Variants in RGL1 observed in about 807,000 individuals in gnomAD.
RGL1 encodes the protein ral guanine nucleotide dissociation stimulator-like 1.
A neutral mutation model predicts 95.2 loss-of-function variants in RGL1; 24 were observed. The ratio of observed to expected loss-of-function variants is 0.25; its 90% CI spans 0.18 to 0.35. The LOEUF (loss-of-function observed/expected upper bound fraction) is 0.35. Ranked by LOEUF, RGL1 falls within the 10% of genes least tolerant of loss-of-function variation. The pLI is 1.00. For synonymous variants in RGL1, 329 were observed against 344.9 expected (o/e 0.95, Z 0.51); for missense variants, 715 against 936.3 (o/e 0.76, Z 3.08).
intron 3 of RGL1, among the ~76,000 whole-genome samples, chr1:183,861,374 A>G (rs550141639): frequency 6.6e-6 from 1 of 152,354 alleles, no homozygotes; most frequent in Non-Finnish European, 1.5e-5. Flanking sequence ...TCTTTGAACC[A>G]CAGATACACC....
intron 1 of RGL1, among the ~76,000 whole-genome samples, chr1:183,643,075 C>CTTTAAA (rs1290434836): frequency 6.6e-6 from 1 of 152,140 alleles, no homozygotes; most frequent in Non-Finnish European, 1.5e-5. Context: ...AGGGTTCATC[C>CTTTAAA]ATGCTGTGGC....
chr1:183,643,740 C>G (rs74830762), intron 1 of RGL1, among the ~76,000 whole-genome samples: 1,989 of 152,268 alleles, frequency 0.013, 50 homozygotes, highest in African/African-American at 0.046. Flanking sequence ...CATGAACCAC[C>G]GTGCTTGGCC....
At chr1:183,827,973 G>A (rs923697045) in intron 2 of RGL1, among the ~76,000 whole-genome samples, 8 of 152,154 alleles carry the variant, frequency 5.3e-5, no homozygotes, top group Admixed American at 2.0e-4. Context: ...TCACATCCAG[G>A]ACCATTGTGT....
intron 10 of RGL1, among the ~76,000 whole-genome samples, chr1:183,899,677 C>T (rs1434117940): frequency 6.6e-6 from 1 of 152,094 alleles, no homozygotes; most frequent in Non-Finnish European, 1.5e-5. Context: ...TTTCTCTTTC[C>T]CTCCTCTATT....
At position 183,880,643 on chromosome 1, in the gene RGL1, G is replaced by T; in HGVS notation, c.453G>T (p.Trp151Cys). 1 of 1,613,818 alleles carries T rather than the reference G, an allele frequency of 6.2e-7. No individual in the cohort carries two copies. Among genetic ancestry groups the T allele is most frequent in the Non-Finnish European group, 8.5e-7 (1 of 1,179,818 alleles). Residue 151 changes from tryptophan (W) to cysteine (C), a missense_variant, in exon 5 of 18, where the codon TGG becomes TGT. This residue lies in a region of RGL1 where 381 missense variants were observed against 484.8 expected (regional missense o/e 0.79). Coordinates refer to ENST00000360851, the MANE Select transcript of RGL1 (RefSeq NM_001297671.3). ...CAATCGCTTCCATACTAAGGGCCTG[G>T]CTTGACCAGTGTGCAGAAGACTTCC... ...RNAIASILRA[W>C]LDQCAEDFRE... is the part of the protein sequence containing the mutation.
chr1:183,809,408 A>T (rs1183768460), intron 2 of RGL1, among the ~76,000 whole-genome samples: 2 of 152,180 alleles, frequency 1.3e-5, no homozygotes. Context: ...CTGTGTTTGG[A>T]AAACTACAAC....
chr1:183,838,149 A>C (rs187435157), intron 2 of RGL1, among the ~76,000 whole-genome samples: 115 of 152,344 alleles, frequency 7.5e-4, no homozygotes, highest in African/African-American at 2.7e-3. Flanking sequence ...AAACTTCTTA[A>C]AATCCACTTA....
chr1:183,752,589 C>G (rs1173364363), intron 2 of RGL1, among the ~76,000 whole-genome samples: 3 of 150,472 alleles, frequency 2.0e-5, no homozygotes, highest in African/African-American at 4.9e-5. Flanking sequence ...CTCATCAATT[C>G]TTTATGCATC....
chr1:183,894,638 A>G (rs1308009984), intron 9 of RGL1, among the ~76,000 whole-genome samples: 2 of 152,126 alleles, frequency 1.3e-5, no homozygotes, highest in African/African-American at 4.8e-5. Context: ...CTCTGTTTCT[A>G]GTGTTACTCC....
chr1:183,870,904 A>AAGG (rs1666145873), intron 4 of RGL1, among the ~76,000 whole-genome samples: 1 of 152,166 alleles, frequency 6.6e-6, no homozygotes. Flanking sequence ...GGCCCTGGTG[A>AAGG]AGGAGCCTGG....
Position 183,659,976 on chromosome 1 carries a change from G to A in RGL1, c.-33+23475G>A, listed in dbSNP as rs1295665188. Reference sequence around the variant, plus strand: ...CAAACTAAGCTTCATAAGTGAAGGAGAAATAAAATACTTTACAGACAAGCA... The same window carrying A: ...CAAACTAAGCTTCATAAGTGAAGGAAAAATAAAATACTTTACAGACAAGCA... On this transcript the variant is annotated intron_variant, in intron 1 of 18. Coordinates refer to the RGL1 transcript ENST00000304685. 9.2e-5 allele frequency among the ~76,000 whole-genome samples: 14 copies of A among 151,446 alleles called. No individual in the cohort carries two copies. In the South Asian group the frequency reaches 2.7e-3, roughly 29 times the overall value.
intron 1 of RGL1, among the ~76,000 whole-genome samples, chr1:183,710,483 T>G (rs2102172490): frequency 6.6e-6 from 1 of 152,268 alleles, no homozygotes; most frequent in East Asian, 1.9e-4. Flanking sequence ...CATCCCCTGT[T>G]TTTTGGCAGG....
At chr1:183,805,881 G>A (rs1484680884) in intron 1 of RGL1, among the ~76,000 whole-genome samples, 1 of 148,662 alleles carries the variant, frequency 6.7e-6, no homozygotes, top group Non-Finnish European at 1.5e-5. Flanking sequence ...TTGTGTCTGA[G>A]TTTAAAATCT....
At position 183,897,785 on chromosome 1, in the gene RGL1, C is replaced by T. The variant is rs994716988; in HGVS notation, c.1141-23C>T. On this transcript the variant is annotated intron_variant, in intron 9 of 17. Transcript: ENST00000360851. ...TTGTGGCATCCTGTATCAATTCCCT[C>T]TGTGTGCATTTCTGTTTCTCAGGAA... 2.5e-6 allele frequency: 4 copies of T among 1,574,404 alleles called. No individual in the cohort carries two copies. In the Admixed American group the frequency reaches 6.7e-5, roughly 26 times the overall value.
Position 183,805,179 on chromosome 1 carries a change from G to A in RGL1, c.-119G>A, listed in dbSNP as rs1661200913. The A allele has an allele frequency of 7.3e-7, 1 of 1,378,440 alleles. No homozygotes were observed. The highest frequency in any genetic ancestry group is 1.5e-5 in the African/African-American group (1 of 66,946). The allele number at this position is 1,378,440 out of a possible 1,614,324, so 85.4% of individuals were successfully genotyped here. A position where few individuals can be genotyped will look rare whatever the true frequency, so the allele number is the denominator to read the frequency against. ...GCAGCGCGGCGCGTGTCTGTGCGCT[G>A]CGGTCGCTCGGGACCGGGACCGGGG... is the stretch of plus-strand genomic sequence containing the variant. On this transcript the variant is annotated 5_prime_UTR_variant, in exon 1 of 18. Coordinates refer to ENST00000360851, the MANE Select transcript of RGL1 (RefSeq NM_001297671.3).
At chr1:183,820,763 T>C (rs1301376989) in intron 2 of RGL1, among the ~76,000 whole-genome samples, 1 of 152,202 alleles carries the variant, frequency 6.6e-6, no homozygotes, top group Non-Finnish European at 1.5e-5. Context: ...TAATTTCCTA[T>C]AGTGATCACA....
chr1:183,813,932 C>T (rs954629601), intron 2 of RGL1, among the ~76,000 whole-genome samples: 3 of 152,156 alleles, frequency 2.0e-5, no homozygotes, highest in Non-Finnish European at 4.4e-5. Flanking sequence ...TGTCTTTTCA[C>T]ATTTTATTTT....
At chr1:183,756,244 TGC>T (rs1310220247) in intron 2 of RGL1, among the ~76,000 whole-genome samples, 1 of 150,680 alleles carries the variant, frequency 6.6e-6, no homozygotes, top group Admixed American at 6.7e-5. Flanking sequence ...CAGGCTGGAG[TGC>T]AACTTTGACC....
intron 2 of RGL1, among the ~76,000 whole-genome samples, chr1:183,786,417 CAAA>C (rs527683767): frequency 6.6e-6 from 1 of 151,934 alleles, no homozygotes; most frequent in Non-Finnish European, 1.5e-5. Flanking sequence ...AAACAACACA[CAAA>C]AAAACTGCTT....
Sources: allele counts gnomAD v4.1 joint callset (sites outside exome capture counted in the v4.1 genomes callset), GRCh38; gene constraint gnomAD v4.1.1; regional missense constraint gnomAD v4.1.1; transcripts MANE v1.5; gene names NCBI Gene and HGNC (gene_info 2026-07-23, HGNC 2026-07-21).